Variants in MAP4K3 observed in about 807,000 individuals in gnomAD.
MAP4K3 encodes the protein MAPK/ERK kinase kinase kinase 3.
In MAP4K3, 94 loss-of-function variants were observed where a neutral mutation model predicts 143.5. The observed-to-expected ratio is 0.65, with a 90% CI of 0.55 to 0.78. MAP4K3 has a LOEUF of 0.78. MAP4K3 is among the 30% of genes least tolerant of loss of function. The pLI is 0.00. For synonymous variants in MAP4K3, 416 were observed against 347.2 expected (o/e 1.20, Z -2.20); for missense variants, 1,077 against 1,068.1 (o/e 1.01, Z -0.12).
At chr2:39,354,196 C>A (rs1308963008) in intron 3 of MAP4K3, among the ~76,000 whole-genome samples, 4 of 152,088 alleles carry the variant, frequency 2.6e-5, no homozygotes, top group Non-Finnish European at 5.9e-5. Context: ...GTAATCCCAG[C>A]ACTTTGGGAG....
chr2:39,379,888 A>C (rs750215230), intron 1 of MAP4K3: 1 of 165,526 alleles, frequency 6.0e-6, no homozygotes, highest in Admixed American at 6.5e-5. Flanking sequence ...TACAAGTTAC[A>C]CAGTGTTTGT....
intron 16 of MAP4K3, among the ~76,000 whole-genome samples, chr2:39,296,840 T>G (rs1308556323): frequency 6.6e-6 from 1 of 152,250 alleles, no homozygotes; most frequent in East Asian, 1.9e-4. Context: ...AAGTCCTAAA[T>G]GTGCTAAATG....
At chr2:39,285,100 C>A (rs1681713540) in intron 21 of MAP4K3, among the ~76,000 whole-genome samples, 1 of 151,986 alleles carries the variant, frequency 6.6e-6, no homozygotes, top group Non-Finnish European at 1.5e-5. Flanking sequence ...CTATGTTGCC[C>A]AGGCTGGTCT....
At chr2:39,266,256 C>T (rs1680758573) in intron 27 of MAP4K3, among the ~76,000 whole-genome samples, 1 of 152,192 alleles carries the variant, frequency 6.6e-6, no homozygotes, top group Non-Finnish European at 1.5e-5. Context: ...TGCCCTTCTG[C>T]CAGTCTTTTG....
chr2:39,262,235 T>G (rs1005638909), intron 28 of MAP4K3, among the ~76,000 whole-genome samples: 1 of 152,184 alleles, frequency 6.6e-6, no homozygotes, highest in Non-Finnish European at 1.5e-5. Context: ...TTTTAAAGTG[T>G]TGGAAGACAC....
In MAP4K3 at chr2:39,333,488, C is replaced by A. The variant is rs768943105; in HGVS notation, c.457+44G>T. 5.4e-6 allele frequency: 8 copies of A among 1,468,130 alleles called. No individual in the cohort carries two copies. The East Asian group carries it at 1.1e-4, about 21-fold the overall frequency. 90.9% of individuals were successfully genotyped at this position (1,468,130 alleles called of 1,614,324 possible). Reference sequence around the variant, plus strand: ...AAGGAAAACATAAACTTTACTATATCTTAGAATAGATTTGTGCACGTGACA... The same window carrying A: ...AAGGAAAACATAAACTTTACTATATATTAGAATAGATTTGTGCACGTGACA... On this transcript the variant is annotated intron_variant, in intron 7 of 33. Transcript: ENST00000263881.
chr2:39,347,548 T>C (rs146403736), intron 3 of MAP4K3, among the ~76,000 whole-genome samples: 2 of 152,284 alleles, frequency 1.3e-5, no homozygotes, highest in African/African-American at 2.4e-5. Flanking sequence ...TAAATGTAAG[T>C]TGTTTTCTAC....
chr2:39,422,138 C>G (rs1477464399), intron 1 of MAP4K3, among the ~76,000 whole-genome samples: 1 of 151,868 alleles, frequency 6.6e-6, no homozygotes, highest in Admixed American at 6.6e-5. Flanking sequence ...CTGAGAAAAA[C>G]ACTAAGATAG....
intron 3 of MAP4K3, among the ~76,000 whole-genome samples, chr2:39,344,252 T>C (rs1006677946): frequency 6.6e-6 from 1 of 152,146 alleles, no homozygotes; most frequent in African/African-American, 2.4e-5. Flanking sequence ...AATAAACATA[T>C]CGAATTAGAT....
chr2:39,365,955 T>C (rs1459577747), intron 2 of MAP4K3, among the ~76,000 whole-genome samples: 1 of 152,228 alleles, frequency 6.6e-6, no homozygotes, highest in Non-Finnish European at 1.5e-5. Context: ...TTTAATTTCA[T>C]GTGTGGTGTC....
At chr2:39,267,273 T>C in intron 26 of MAP4K3, 26 bp from the exon 27 acceptor site, 1 of 1,565,834 alleles carries the variant, frequency 6.4e-7, no homozygotes, top group East Asian at 2.2e-5. Flanking sequence ...AGTGAGTACG[T>C]AATATATGTA....
chr2:39,262,349 G>A (rs1325473225), intron 28 of MAP4K3, among the ~76,000 whole-genome samples: 1 of 152,174 alleles, frequency 6.6e-6, no homozygotes, highest in Non-Finnish European at 1.5e-5. Flanking sequence ...CACGGGCACA[G>A]ACACTTCATC....
At chr2:39,300,487 C>T (rs974275928) in intron 15 of MAP4K3, among the ~76,000 whole-genome samples, 3 of 152,108 alleles carry the variant, frequency 2.0e-5, no homozygotes, top group African/African-American at 7.2e-5. Flanking sequence ...AACTCAAATG[C>T]CTTCTTGAGA....
chr2:39,322,668 ATTTTTTG>A (rs1683350115), intron 12 of MAP4K3, among the ~76,000 whole-genome samples: 2 of 141,178 alleles, frequency 1.4e-5, no homozygotes, highest in South Asian at 2.3e-4. Flanking sequence ...TTCTTTTTCT[ATTTTTTG>A]TTTTTTTTTT....
intron 2 of MAP4K3, among the ~76,000 whole-genome samples, chr2:39,364,140 T>C (rs532952097): frequency 6.6e-6 from 1 of 152,254 alleles, no homozygotes; most frequent in Admixed American, 6.5e-5. Context: ...AAATGCAATA[T>C]GATCCAGCAA....
At chr2:39,266,838 C>G (rs1036923798) in intron 27 of MAP4K3, among the ~76,000 whole-genome samples, 1 of 151,658 alleles carries the variant, frequency 6.6e-6, no homozygotes, top group African/African-American at 2.4e-5. Context: ...ATCTCACAAG[C>G]CATTGCTAAG....
At chr2:39,317,138 C>T (rs1171251819) in intron 12 of MAP4K3, among the ~76,000 whole-genome samples, 1 of 151,934 alleles carries the variant, frequency 6.6e-6, no homozygotes, top group African/African-American at 2.4e-5. Context: ...CTTCGACAAA[C>T]CTGACAAAAA....
Position 39,416,006 on chromosome 2 carries a change from A to ATATAT in MAP4K3, c.96+20885_96+20886insATATA, listed in dbSNP as rs1420812309. On this transcript the variant is annotated intron_variant, in intron 1 of 33. Coordinates refer to ENST00000263881, the MANE Select transcript of MAP4K3 (RefSeq NM_003618.4). ...ATATATATATATATATATATATATA[A>ATATAT]AAATAACATTTGGAAGAATAAATTC... Among the ~76,000 whole-genome samples the ATATAT allele has an allele frequency of 1.4e-3, 103 of 75,828 alleles. 4 individuals carry two copies. Among genetic ancestry groups the ATATAT allele is most frequent in the African/African-American group, 4.5e-3 (62 of 13,864 alleles). The allele number at this position is 75,828 out of a possible 152,430, so 49.7% of individuals were successfully genotyped here. A position where few individuals can be genotyped will look rare whatever the true frequency, so the allele number is the denominator to read the frequency against.
At chr2:39,324,710 G>C (rs1478580433) in intron 12 of MAP4K3, among the ~76,000 whole-genome samples, 1 of 152,100 alleles carries the variant, frequency 6.6e-6, no homozygotes, top group Admixed American at 6.5e-5. Context: ...ATCCACTTCT[G>C]TTACAGACCC....
Sources: gnomAD v4.1 joint callset for allele counts (sites outside exome capture counted in the v4.1 genomes callset) on GRCh38, gnomAD v4.1.1 for gene constraint, MANE v1.5 for transcripts, NCBI Gene and HGNC (gene_info 2026-07-23, HGNC 2026-07-21) for gene names.